CLYBL: variants seen among roughly 807,000 people sequenced by gnomAD.
The protein encoded by CLYBL is citramalyl-CoA lyase, mitochondrial.
Under a neutral mutation model 38.9 loss-of-function variants are expected in CLYBL, and 31 were observed. The observed-to-expected ratio is 0.80, with a 90% CI of 0.60 to 1.08. The LOEUF (loss-of-function observed/expected upper bound fraction) is 1.08, where lower values mean the gene tolerates loss of function less well. Among genes scored for constraint, CLYBL ranks in the 50% least tolerant of loss-of-function variants. The pLI, the probability that CLYBL is intolerant of heterozygous loss-of-function variation, is 0.00. For missense variants in CLYBL, 434 were observed against 411.6 expected, an observed-to-expected ratio of 1.05 and a Z score of -0.47; for synonymous variants, 171 against 158.6, an observed-to-expected ratio of 1.08 and a Z score of -0.59.
chr13:99,864,684 G>T, intron 4 of CLYBL, 134 bp from the exon 5 acceptor site: 2 of 666,478 alleles, frequency 3.0e-6, no homozygotes, highest in African/African-American at 1.8e-5. Flanking sequence ...GGGTAAATTT[G>T]GGCTGCGTTT....
At chr13:99,698,909 T>G (rs2048019346) in intron 1 of CLYBL, among the ~76,000 whole-genome samples, 1 of 152,242 alleles carries the variant, frequency 6.6e-6, no homozygotes, top group South Asian at 2.1e-4. Flanking sequence ...TTGACAAGGT[T>G]CACATTTTAT....
chr13:99,833,471 A>C (rs2050865458), intron 2 of CLYBL, among the ~76,000 whole-genome samples: 1 of 152,076 alleles, frequency 6.6e-6, no homozygotes, highest in African/African-American at 2.4e-5. Flanking sequence ...GAAAGTAGTA[A>C]ACCCATTTTT....
At chr13:99,863,314 C>T (rs952216705) in intron 4 of CLYBL, among the ~76,000 whole-genome samples, 1 of 152,076 alleles carries the variant, frequency 6.6e-6, no homozygotes, top group Non-Finnish European at 1.5e-5. Context: ...GCTTCCCAGT[C>T]CAAAATATTT....
chr13:99,899,186 G>A (rs545906197), downstream of CLYBL, among the ~76,000 whole-genome samples: 18 of 152,164 alleles, frequency 1.2e-4, no homozygotes, highest in Non-Finnish European at 2.4e-4. Context: ...CCCACTTGCC[G>A]GGCTGGGGAG....
chr13:99,618,771 ACTACT>A (rs2046751716), intron 1 of CLYBL, among the ~76,000 whole-genome samples: 1 of 152,116 alleles, frequency 6.6e-6, no homozygotes, highest in Non-Finnish European at 1.5e-5. Flanking sequence ...TGTGAATTTG[ACTACT>A]CTAGGTACTT....
intron 1 of CLYBL, among the ~76,000 whole-genome samples, chr13:99,771,020 C>CTTTTTTTTTTTTTTTTTTT (rs546998940): frequency 1.7e-5 from 2 of 120,242 alleles, no homozygotes; most frequent in African/African-American, 7.2e-5. Context: ...ACGCGGGGCC[C>CTTTTTTTTTTTTTTTTTTT]TTTTTTTTTT....
intron 1 of CLYBL, among the ~76,000 whole-genome samples, chr13:99,770,409 C>G (rs1054266256): frequency 2.0e-5 from 3 of 152,204 alleles, no homozygotes; most frequent in Admixed American, 6.5e-5. Context: ...GCTCCGCCTC[C>G]CGGGTTCACG....
intron 7 of CLYBL, among the ~76,000 whole-genome samples, chr13:99,876,122 AT>A (rs1437085101): frequency 7.3e-6 from 1 of 136,432 alleles, no homozygotes; most frequent in Non-Finnish European, 1.5e-5. Flanking sequence ...GTATTAGAAG[AT>A]AAGAGTGTTT....
chr13:99,685,873 A>G (rs1340367152), intron 1 of CLYBL, among the ~76,000 whole-genome samples: 1 of 152,130 alleles, frequency 6.6e-6, no homozygotes, highest in Non-Finnish European at 1.5e-5. Flanking sequence ...GAGGAACGAG[A>G]ATCGCTTGAA....
chr13:99,886,348 A>G (rs187454196), intron 7 of CLYBL, among the ~76,000 whole-genome samples: 15 of 152,374 alleles, frequency 9.8e-5, no homozygotes, highest in East Asian at 5.8e-4. Flanking sequence ...TGTGATTACT[A>G]TTGTCATCAC....
chr13:99,867,922 G>A (rs1393896393), intron 6 of CLYBL, among the ~76,000 whole-genome samples: 1 of 152,140 alleles, frequency 6.6e-6, no homozygotes, highest in Non-Finnish European at 1.5e-5. Context: ...CTGGGAGCTG[G>A]AGAGTGTCTC....
chr13:99,807,386 C>A (rs978601892), intron 2 of CLYBL, among the ~76,000 whole-genome samples: 3 of 152,208 alleles, frequency 2.0e-5, no homozygotes, highest in African/African-American at 4.8e-5. Flanking sequence ...GCCAGCACAC[C>A]CATGTTCCTG....
At chr13:99,775,604 G>A (rs1484965838) in intron 2 of CLYBL, among the ~76,000 whole-genome samples, 1 of 151,990 alleles carries the variant, frequency 6.6e-6, no homozygotes, top group African/African-American at 2.4e-5. Context: ...CAACTCCTGG[G>A]CTCAAGCAGT....
At chr13:99,758,669 G>A (rs2049110415) in intron 1 of CLYBL, among the ~76,000 whole-genome samples, 1 of 152,192 alleles carries the variant, frequency 6.6e-6, no homozygotes, top group Non-Finnish European at 1.5e-5. Context: ...CCGTGACTGG[G>A]CTTCTGCCAC....
chr13:99,634,066 T>G lies in CLYBL; in HGVS notation c.62+27309T>G, dbSNP rs372384259. 3.9e-5 allele frequency among the ~76,000 whole-genome samples: 6 copies of G among 152,124 alleles called. No individual in the cohort carries two copies. The East Asian group carries it at 9.7e-4, about 24-fold the overall frequency. On this transcript the variant is annotated intron_variant, in intron 1 of 8. Transcript: ENST00000339105. The stretch of plus-strand genomic sequence containing the variant: ...AGCAAGATAAATTAAAACACACACA[T>G]GCACATGAGAGCCACATTGCTGAAA...
At chr13:99,895,433 G>C (rs182993334), downstream of CLYBL, 1 of 152,374 alleles carries the variant, frequency 6.6e-6, no homozygotes, top group South Asian at 2.1e-4. Flanking sequence ...TGTGACCCGC[G>C]GAGCCGCTGC....
chr13:99,821,728 TC>T (rs2050592245), intron 2 of CLYBL, among the ~76,000 whole-genome samples: 1 of 152,226 alleles, frequency 6.6e-6, no homozygotes. Flanking sequence ...AAAAATAAAT[TC>T]CCAGTGAGCT....
intron 1 of CLYBL, among the ~76,000 whole-genome samples, chr13:99,661,553 T>G (rs1329707051): frequency 6.6e-6 from 1 of 152,260 alleles, no homozygotes. Context: ...GATTCCATTT[T>G]AATATAACTT....
At chr13:99,749,169 G>T (rs2139629265) in intron 1 of CLYBL, among the ~76,000 whole-genome samples, 2 of 150,288 alleles carry the variant, frequency 1.3e-5, no homozygotes, top group South Asian at 4.2e-4. Context: ...GACAAAGCGA[G>T]ACTCTGTCTC....
Sources: gnomAD v4.1 joint callset for allele counts (sites outside exome capture counted in the v4.1 genomes callset) on GRCh38, gnomAD v4.1.1 for gene constraint, MANE v1.5 for transcripts, NCBI Gene and HGNC (gene_info 2026-07-23, HGNC 2026-07-21) for gene names.